SAA2: variants seen among roughly 807,000 people sequenced by gnomAD.
SAA2 encodes the protein serum amyloid A2.
A neutral mutation model predicts 9.1 loss-of-function variants in SAA2; 5 were observed. The observed-to-expected ratio is 0.55, with a 90% confidence interval of 0.29 to 1.16. The LOEUF (loss-of-function observed/expected upper bound fraction) is 1.16. Ranked by LOEUF, SAA2 falls within the 50% of genes most tolerant of loss-of-function variation. The pLI, the probability that SAA2 is intolerant of heterozygous loss-of-function variation, is 0.09. For synonymous variants in SAA2, 49 were observed against 59.8 expected (o/e 0.82, Z 0.83); for missense variants, 94 against 153.8 (o/e 0.61, Z 2.06).
chr11:18,240,960 A>G (rs1472367629), downstream of SAA2, among the ~76,000 whole-genome samples: 1 of 152,142 alleles, frequency 6.6e-6, no homozygotes, highest in African/African-American at 2.4e-5. Flanking sequence ...ATATTTGCAA[A>G]CTACTCATCT....
chr11:18,247,188 G>T (rs1233270168), intron 2 of SAA2, among the ~76,000 whole-genome samples: 3 of 152,248 alleles, frequency 2.0e-5, no homozygotes, highest in Non-Finnish European at 4.4e-5. Context: ...GTCCTTGTGG[G>T]GGCTTGAGGC....
chr11:18,240,524 A>AT (rs1238016248), downstream of SAA2, among the ~76,000 whole-genome samples: 1 of 152,212 alleles, frequency 6.6e-6, no homozygotes, highest in Non-Finnish European at 1.5e-5. Context: ...TGGTATAAAA[A>AT]TAGACACGTA....
intron 2 of SAA2, among the ~76,000 whole-genome samples, chr11:18,246,997 TA>T (rs1857576391): frequency 6.6e-6 from 1 of 152,226 alleles, no homozygotes; most frequent in Non-Finnish European, 1.5e-5. Context: ...GTGATGCGTC[TA>T]CCTGGCAAGA....
exon 4 of SAA2, chr11:18,239,799 A>ACATG: frequency 1.1e-6 from 1 of 950,094 alleles, no homozygotes. Flanking sequence ...GTCTCCATCC[A>ACATG]CATGCTGAGG....
downstream of SAA2, among the ~76,000 whole-genome samples, chr11:18,240,552 A>T (rs182989723): frequency 6.6e-6 from 1 of 152,238 alleles, no homozygotes; most frequent in African/African-American, 2.4e-5. Context: ...GGAACAAAAT[A>T]GAGAACCCAA....
chr11:18,240,449 T>C (rs377622862), downstream of SAA2, among the ~76,000 whole-genome samples: 1 of 152,228 alleles, frequency 6.6e-6, no homozygotes, highest in East Asian at 1.9e-4. Context: ...GTACTGTATT[T>C]TGGGGTGACA....
downstream of SAA2, among the ~76,000 whole-genome samples, chr11:18,243,700 T>A (rs1857416259): frequency 6.6e-6 from 1 of 152,212 alleles, no homozygotes; most frequent in African/African-American, 2.4e-5. Context: ...CTACTTTATA[T>A]CCATACATTT....
chr11:18,240,009 C>T (rs769369776), intron 3 of SAA2: 113 of 1,548,884 alleles, frequency 7.3e-5, no homozygotes, highest in Middle Eastern at 5.0e-4. Flanking sequence ...GTCATATACA[C>T]GTATTTTAAC....
intron 2 of SAA2, among the ~76,000 whole-genome samples, chr11:18,246,688 C>T (rs1248080554): frequency 2.6e-5 from 4 of 152,106 alleles, no homozygotes; most frequent in African/African-American, 7.2e-5. Flanking sequence ...CCTGCCACCA[C>T]GCCTGGCTAC....
At chr11:18,243,971 T>A (rs1446025847), downstream of SAA2, among the ~76,000 whole-genome samples, 1 of 152,188 alleles carries the variant, frequency 6.6e-6, no homozygotes, top group Non-Finnish European at 1.5e-5. Flanking sequence ...AAGCAGGAGA[T>A]GAAGACATCT....
At chr11:18,242,113 G>A (rs758957480), downstream of SAA2, 2 of 152,118 alleles carry the variant, frequency 1.3e-5, no homozygotes, top group Non-Finnish European at 1.5e-5. Flanking sequence ...GTTCTTGAGA[G>A]ACACAGGACA....
chr11:18,241,390 C>T (rs1428936937), downstream of SAA2, among the ~76,000 whole-genome samples: 1 of 152,082 alleles, frequency 6.6e-6, no homozygotes, highest in Non-Finnish European at 1.5e-5. Context: ...CTGGGTACTA[C>T]CCAAAGGAAA....
downstream of SAA2, among the ~76,000 whole-genome samples, chr11:18,243,159 TC>T (rs200047471): frequency 4.1e-3 from 623 of 152,298 alleles, 3 homozygotes; most frequent in Non-Finnish European, 6.1e-3. Flanking sequence ...ATTATAGATT[TC>T]AAGAAGGGGA....
At chr11:18,242,876 T>C, downstream of SAA2, 1 of 694,584 alleles carries the variant, frequency 1.4e-6, no homozygotes, top group Non-Finnish European at 2.6e-6. Context: ...AACACAACTA[T>C]AACAAAGAGC....
downstream of SAA2, among the ~76,000 whole-genome samples, chr11:18,244,239 G>A (rs1857433196): frequency 6.6e-6 from 1 of 152,220 alleles, no homozygotes. Flanking sequence ...ATTTTGGCAA[G>A]ATACAGTTCA....
chr11:18,240,381 T>C (rs902790785), downstream of SAA2: 1 of 688,638 alleles, frequency 1.5e-6, no homozygotes, highest in Non-Finnish European at 2.6e-6. Flanking sequence ...GAGCAGAGAA[T>C]AGCCTCTTCC....
chr11:18,244,758 A>G (rs541630395), downstream of SAA2, among the ~76,000 whole-genome samples: 18 of 152,350 alleles, frequency 1.2e-4, no homozygotes, highest in South Asian at 3.7e-3. Flanking sequence ...AAAGAAGGCA[A>G]TGAAAATAGA....
At chr11:18,239,748 G>A in exon 4 of SAA2, 1 of 528,160 alleles carries the variant, frequency 1.9e-6, no homozygotes, top group Non-Finnish European at 3.2e-6. Context: ...AAACTTCTTA[G>A]AGAATGGAGA....
chr11:18,240,223 A>T, intron 3 of SAA2: 1 of 706,222 alleles, frequency 1.4e-6, no homozygotes, highest in Non-Finnish European at 2.6e-6. Flanking sequence ...GAATGAGGCA[A>T]ATAAGCAGGT....
Sources: gnomAD v4.1 joint callset for allele counts (sites outside exome capture counted in the v4.1 genomes callset) on GRCh38, gnomAD v4.1.1 for gene constraint, MANE v1.5 for transcripts, NCBI Gene and HGNC (gene_info 2026-07-23, HGNC 2026-07-21) for gene names.